QKI: variants seen among roughly 807,000 people sequenced by gnomAD.
QKI encodes the protein QKI, KH domain containing RNA binding, also known as KH domain-containing RNA-binding protein QKI.
QKI carries 10 observed loss-of-function variants against 39.0 expected under a neutral mutation model. That is an observed-to-expected ratio of 0.26 (90% CI 0.16 to 0.43). The LOEUF (loss-of-function observed/expected upper bound fraction) is 0.43. QKI is among the 20% of genes least tolerant of loss of function. The pLI is 1.00. For missense variants in QKI, 218 were observed against 428.0 expected (o/e 0.51, Z 4.33); for synonymous variants, 204 against 155.4 (o/e 1.31, Z -2.33).
chr6:163,577,829 T>C lies in QKI; in HGVS notation c.*7119T>C, dbSNP rs746063493. 4.6e-5 allele frequency: 7 copies of C among 152,218 alleles called. No homozygotes were observed. The highest frequency in any genetic ancestry group is 7.2e-5 in the African/African-American group (3 of 41,460). The allele number at this position is 152,218 out of a possible 1,614,324, so 9.4% of individuals were successfully genotyped here. The stretch of plus-strand genomic sequence containing the variant: ...CTGTTACTCATGCACATTGTGTTCT[T>C]ATGTTTACAGAAGTGCTTAAGTGAA... On this transcript the variant is annotated 3_prime_UTR_variant, in exon 8 of 8. Transcript: ENST00000361752.
chr6:163,490,498 G>C (rs1292965577), intron 3 of QKI, among the ~76,000 whole-genome samples: 1 of 152,080 alleles, frequency 6.6e-6, no homozygotes, highest in African/African-American at 2.4e-5. Context: ...ATTGAAGTAG[G>C]AGTTTACCAG....
At chr6:163,495,538 T>C (rs1778353088) in intron 3 of QKI, among the ~76,000 whole-genome samples, 1 of 152,202 alleles carries the variant, frequency 6.6e-6, no homozygotes, top group African/African-American at 2.4e-5. Flanking sequence ...TTCTTTTACA[T>C]AGTTACTTTA....
chr6:163,536,883 G>A (rs533242730), intron 4 of QKI, among the ~76,000 whole-genome samples: 49 of 152,240 alleles, frequency 3.2e-4, no homozygotes, highest in Admixed American at 1.2e-3. Context: ...CCAGCTTTGT[G>A]ACTTTTAACT....
intron 1 of QKI, among the ~76,000 whole-genome samples, chr6:163,425,904 A>G (rs1253102257): frequency 6.6e-6 from 1 of 152,218 alleles, no homozygotes; most frequent in Admixed American, 6.5e-5. Flanking sequence ...TCCCAATTTC[A>G]GAGATCCTTT....
At chr6:163,448,797 C>G (rs1790342981) in intron 1 of QKI, among the ~76,000 whole-genome samples, 2 of 152,072 alleles carry the variant, frequency 1.3e-5, no homozygotes. Context: ...TAGTTGCTCT[C>G]TGTACCTTGT....
At chr6:163,415,694 C>G (rs1382292697) in intron 1 of QKI, among the ~76,000 whole-genome samples, 2 of 151,680 alleles carry the variant, frequency 1.3e-5, no homozygotes, top group Admixed American at 1.3e-4. Context: ...CTCGCCGAGC[C>G]CTCCCGAGAG....
At chr6:163,501,607 A>G (rs1388613147) in intron 3 of QKI, among the ~76,000 whole-genome samples, 2 of 152,176 alleles carry the variant, frequency 1.3e-5, no homozygotes, top group Admixed American at 6.5e-5. Context: ...CTGAGCAGTA[A>G]ATTTATGCTT....
At chr6:163,528,677 T>C (rs1780664745) in intron 3 of QKI, among the ~76,000 whole-genome samples, 1 of 152,194 alleles carries the variant, frequency 6.6e-6, no homozygotes, top group Non-Finnish European at 1.5e-5. Context: ...CTCACCATAG[T>C]ATACTTGTCA....
At chr6:163,471,832 C>T (rs1000018046) in intron 2 of QKI, among the ~76,000 whole-genome samples, 1 of 97,646 alleles carries the variant, frequency 1.0e-5, no homozygotes, top group East Asian at 7.3e-4. Flanking sequence ...GAAGAAACAA[C>T]TCATTTAGAT....
chr6:163,565,726 G>A (rs1369269213), intron 6 of QKI: 1 of 1,224,452 alleles, frequency 8.2e-7, no homozygotes, highest in Non-Finnish European at 1.0e-6. Flanking sequence ...TTGACCACTT[G>A]GAGAACTCAG....
chr6:163,534,139 C>T (rs762867016), intron 3 of QKI, among the ~76,000 whole-genome samples: 63 of 152,026 alleles, frequency 4.1e-4, no homozygotes, highest in Non-Finnish European at 6.5e-4. Context: ...CTTAAAACAG[C>T]GATTCTGAAA....
At chr6:163,474,204 A>G (rs1315445799) in intron 2 of QKI, among the ~76,000 whole-genome samples, 1 of 152,228 alleles carries the variant, frequency 6.6e-6, no homozygotes, top group East Asian at 1.9e-4. Flanking sequence ...ATCTTCAAAA[A>G]GTTTAAGATT....
rs754664769 is a variant in QKI, at chr6:163,563,400, A to T, written c.635-20A>T. ...ACTGCTGTCTCTATACTTCTTTCTA[A>T]ATTTCTTTGCTTACTGTAGCAGCCC... On this transcript the variant is annotated intron_variant, in intron 5 of 7. Coordinates refer to ENST00000361752, the MANE Select transcript of QKI (RefSeq NM_006775.3). 6.4e-7 allele frequency: 1 copy of T among 1,563,698 alleles called. No individual in the cohort carries two copies. Among genetic ancestry groups the T allele is most frequent in the Non-Finnish European group, 8.7e-7 (1 of 1,155,222 alleles).
intron 3 of QKI, among the ~76,000 whole-genome samples, chr6:163,502,279 C>T (rs1034584260): frequency 1.3e-5 from 2 of 151,528 alleles, no homozygotes; most frequent in African/African-American, 4.9e-5. Flanking sequence ...GCTGAGATTG[C>T]ACCACTGCAC....
At chr6:163,474,787 TAAAAAA>T (rs35897463) in intron 2 of QKI, among the ~76,000 whole-genome samples, 1 of 108,640 alleles carries the variant, frequency 9.2e-6, no homozygotes, top group Non-Finnish European at 1.8e-5. Flanking sequence ...ACAAAAAAGT[TAAAAAA>T]AAAAAAAAAA....
chr6:163,449,987 A>G (rs1275928501), intron 1 of QKI, among the ~76,000 whole-genome samples: 1 of 152,018 alleles, frequency 6.6e-6, no homozygotes, highest in Non-Finnish European at 1.5e-5. Context: ...ATTGGATTTA[A>G]CATATGTGTG....
At chr6:163,416,038 C>G (rs1787441663) in intron 1 of QKI, 3 of 126,728 alleles carry the variant, frequency 2.4e-5, no homozygotes, top group Non-Finnish European at 4.6e-5. Context: ...GGGAGTTGAA[C>G]TTCACTTTTC....
chr6:163,415,991 C>CT (rs1787435506), intron 1 of QKI: 1 of 458,296 alleles, frequency 2.2e-6, no homozygotes, highest in Non-Finnish European at 4.3e-6. Context: ...GCGAAAAGCA[C>CT]TTTTTTCCCT....
intron 2 of QKI, among the ~76,000 whole-genome samples, chr6:163,477,849 C>A (rs770164642): frequency 6.6e-6 from 1 of 152,102 alleles, no homozygotes; most frequent in East Asian, 1.9e-4. Flanking sequence ...GATTTTCTAG[C>A]ACGTTACTTT....
Sources: allele counts gnomAD v4.1 joint callset (sites outside exome capture counted in the v4.1 genomes callset), GRCh38; gene constraint gnomAD v4.1.1; transcripts MANE v1.5; gene names NCBI Gene and HGNC (gene_info 2026-07-23, HGNC 2026-07-21).